Variants in ITK observed in about 807,000 individuals in gnomAD.
ITK encodes tyrosine-protein kinase ITK/TSK.
A neutral mutation model predicts 87.6 loss-of-function variants in ITK; 45 were observed. The observed-to-expected ratio is 0.51, with a 90% CI of 0.40 to 0.66. The LOEUF is 0.66. Among genes scored for constraint, ITK ranks in the 30% least tolerant of loss-of-function variants. The pLI is 0.00. For synonymous variants in ITK, 303 were observed against 273.6 expected (o/e 1.11, Z -1.06); for missense variants, 605 against 766.3 (o/e 0.79, Z 2.48).
At chr5:157,242,178 C>A (rs1754921670) in intron 11 of ITK, among the ~76,000 whole-genome samples, 1 of 152,122 alleles carries the variant, frequency 6.6e-6, no homozygotes, top group Admixed American at 6.5e-5. Flanking sequence ...TTTGGAATAC[C>A]TTTAGGCGTG....
At chr5:157,194,178 A>G (rs954676912) in intron 1 of ITK, among the ~76,000 whole-genome samples, 1 of 152,102 alleles carries the variant, frequency 6.6e-6, no homozygotes, top group Admixed American at 6.6e-5. Flanking sequence ...ATTTTGCAAG[A>G]AGGTAATTCT....
chr5:157,228,401 G>C (rs756174306), intron 7 of ITK, 40 bp downstream of exon 7: 5 of 1,159,226 alleles, frequency 4.3e-6, no homozygotes, highest in Non-Finnish European at 6.5e-6. Flanking sequence ...ACAGTCCTAA[G>C]GAATCCTCCT....
intron 5 of ITK, among the ~76,000 whole-genome samples, chr5:157,220,757 A>G (rs1754397981): frequency 6.6e-6 from 1 of 152,202 alleles, no homozygotes; most frequent in Non-Finnish European, 1.5e-5. Flanking sequence ...CCTGCCTTTT[A>G]ATGACAGATA....
At chr5:157,221,591 GA>G (rs576665287) in intron 5 of ITK, among the ~76,000 whole-genome samples, 152 of 150,984 alleles carry the variant, frequency 1.0e-3, no homozygotes, top group Admixed American at 2.4e-3. Context: ...ATGATTATTA[GA>G]AAAAAAAATA....
At chr5:157,214,748 T>G (rs953153539) in intron 4 of ITK, among the ~76,000 whole-genome samples, 1 of 152,218 alleles carries the variant, frequency 6.6e-6, no homozygotes. Context: ...ATATAAAATA[T>G]TTATGTCTTA....
intron 6 of ITK, among the ~76,000 whole-genome samples, chr5:157,225,819 C>T (rs13183385): frequency 0.016 from 2,496 of 152,276 alleles, 29 homozygotes; most frequent in Non-Finnish European, 0.027. Flanking sequence ...CTACAAACAC[C>T]GAAGGGACCT....
chr5:157,213,722 C>G, intron 3 of ITK: 1 of 344,932 alleles, frequency 2.9e-6, no homozygotes, highest in Non-Finnish European at 5.7e-6. Flanking sequence ...CAGTAGCAGA[C>G]CCCCCTTTTT....
chr5:157,207,375 CTCT>C (rs1561652059), intron 1 of ITK, among the ~76,000 whole-genome samples: 1 of 90,134 alleles, frequency 1.1e-5, no homozygotes, highest in East Asian at 5.1e-4. Flanking sequence ...CTAGATACGT[CTCT>C]TTTTTTTTTT....
At chr5:157,189,797 G>A (rs988815440) in intron 1 of ITK, among the ~76,000 whole-genome samples, 1 of 152,226 alleles carries the variant, frequency 6.6e-6, no homozygotes, top group Non-Finnish European at 1.5e-5. Flanking sequence ...CTATTTTAAA[G>A]CTCTTCGCAA....
intron 1 of ITK, among the ~76,000 whole-genome samples, chr5:157,193,596 C>T (rs956025108): frequency 1.3e-5 from 2 of 152,104 alleles, no homozygotes; most frequent in Admixed American, 6.5e-5. Context: ...TATGAGAAGG[C>T]TGAGGTTTAT....
chr5:157,224,561 C>T (rs777166445), intron 6 of ITK, among the ~76,000 whole-genome samples: 2 of 152,120 alleles, frequency 1.3e-5, no homozygotes, highest in Non-Finnish European at 2.9e-5. Flanking sequence ...GGGCTGATCA[C>T]CTGAGGTCAG....
chr5:157,227,806 T>C (rs1290814134), intron 6 of ITK, among the ~76,000 whole-genome samples: 2 of 151,294 alleles, frequency 1.3e-5, no homozygotes, highest in Non-Finnish European at 2.9e-5. Flanking sequence ...AAGTTGCTAT[T>C]ATTTTTTACC....
rs202191474 is a variant in ITK, at chr5:157,238,184, G to A, written c.844G>A (p.Val282Ile). Residue 282 changes from valine to isoleucine, a missense_variant, in exon 9 of 17, where the codon GTT becomes ATT. Val to Ile is a conservative substitution (Grantham distance 29, BLOSUM62 3). Transcript: ENST00000422843. ...TYTVSVFTKA[V>I]VSENNPCIKH... The stretch of plus-strand genomic sequence containing the variant: ...CACCGTGTCTGTTTTCACCAAGGCT[G>A]TTGTAAGGTATGGAGCTAACTCTGC... 9.7e-5 allele frequency: 157 copies of A among 1,612,580 alleles called. No individual in the cohort carries two copies. The highest frequency in any genetic ancestry group is 1.3e-4 in the Non-Finnish European group (153 of 1,178,698).
intron 5 of ITK, among the ~76,000 whole-genome samples, chr5:157,221,446 T>C (rs748680713): frequency 1.3e-5 from 2 of 152,162 alleles, no homozygotes; most frequent in Non-Finnish European, 2.9e-5. Context: ...TAAGCTGGTT[T>C]CTCACCACAT....
intron 1 of ITK, among the ~76,000 whole-genome samples, chr5:157,187,001 A>G (rs562977016): frequency 2.0e-5 from 3 of 152,244 alleles, no homozygotes; most frequent in South Asian, 2.1e-4. Context: ...AATCTAACAC[A>G]TGGTCTCGTC....
intron 4 of ITK, among the ~76,000 whole-genome samples, chr5:157,216,710 G>A (rs1754305168): frequency 6.6e-6 from 1 of 152,048 alleles, no homozygotes; most frequent in Non-Finnish European, 1.5e-5. Context: ...GCTGGAAGTG[G>A]CCAAGGCTCA....
chr5:157,239,209 A>G (rs373416365), intron 9 of ITK, among the ~76,000 whole-genome samples: 2 of 152,316 alleles, frequency 1.3e-5, no homozygotes, highest in East Asian at 3.9e-4. Flanking sequence ...CAGGACAAAG[A>G]CTTATTGAGA....
intron 4 of ITK, among the ~76,000 whole-genome samples, chr5:157,216,982 C>A (rs1032478687): frequency 6.6e-6 from 1 of 152,108 alleles, no homozygotes; most frequent in South Asian, 2.1e-4. Context: ...AGGAACTCAT[C>A]GTCTACCTAT....
chr5:157,231,678 G>A (rs997726573), intron 7 of ITK, among the ~76,000 whole-genome samples: 1 of 152,052 alleles, frequency 6.6e-6, no homozygotes. Flanking sequence ...GAGAGGTTAG[G>A]ATGTGGCTAA....
Sources: gnomAD v4.1 joint callset for allele counts (sites outside exome capture counted in the v4.1 genomes callset) on GRCh38, gnomAD v4.1.1 for gene constraint, MANE v1.5 for transcripts, NCBI Gene and HGNC (gene_info 2026-07-23, HGNC 2026-07-21) for gene names.